The following ALG13 variants were observed in gnomAD, a reference collection of about 807,000 sequenced individuals.
ALG13 encodes the protein UDP-N-acetylglucosamine transferase subunit ALG13.
Under a neutral mutation model 87.8 loss-of-function variants are expected in ALG13, and 11 were observed. That is an observed-to-expected ratio of 0.13 (90% CI 0.08 to 0.21). The LOEUF is 0.21. Ranked by LOEUF, ALG13 falls within the 10% of genes least tolerant of loss-of-function variation. The pLI is 1.00. For synonymous variants in ALG13, 320 were observed against 306.3 expected, an observed-to-expected ratio of 1.04 and a Z score of -0.47; for missense variants, 756 against 866.1, an observed-to-expected ratio of 0.87 and a Z score of 1.60.
intron 1 of ALG13, chrX:111,681,791 G>A: frequency 1.2e-6 from 1 of 835,875 alleles, no homozygotes; most frequent in Non-Finnish European, 1.4e-6. Context: ...AGCGCGCGTC[G>A]TCCCCTCAGG....
chrX:111,694,601 C>A lies in ALG13; in HGVS notation c.383+9498C>A, dbSNP rs1394058672. On this transcript the variant is annotated intron_variant, in intron 3 of 26. Transcript: ENST00000394780. The stretch of plus-strand genomic sequence containing the variant: ...GTAAGGCAATACAATATGGTGTTTA[C>A]TCATGGTTAAGTGTGCTACTAAAGT... 3.2e-4 allele frequency among the ~76,000 whole-genome samples: 36 copies of A among 111,923 alleles called. No homozygotes were observed. The Admixed American group carries it at 3.4e-3, about 11-fold the overall frequency.
At chrX:111,695,714 T>A (rs1936887752) in intron 3 of ALG13, among the ~76,000 whole-genome samples, 1 of 111,748 alleles carries the variant, frequency 8.9e-6, no homozygotes, top group Non-Finnish European at 1.9e-5. Flanking sequence ...ATTACTTCTT[T>A]GGGAAATCCA....
At chrX:111,697,376 A>C (rs1937116728) in intron 3 of ALG13, among the ~76,000 whole-genome samples, 1 of 111,709 alleles carries the variant, frequency 9.0e-6, no homozygotes, top group Admixed American at 9.5e-5. Flanking sequence ...GTTCTAGAGC[A>C]GTGGTTTTCA....
chrX:111,725,047 A>G lies in ALG13; in HGVS notation c.1715A>G (p.Tyr572Cys). 3 of 1,210,559 alleles carry G rather than the reference A, an allele frequency of 2.5e-6. No individual in the cohort carries two copies. Among genetic ancestry groups the G allele is most frequent in the Middle Eastern group, 2.3e-4 (1 of 4,347 alleles). The part of the protein sequence containing the change: ...GRGYQKMPGG[Y>C]VPEIVISEMD... ...GGTTACCAGAAAATGCCTGGGGGTT[A>G]TGTCCCGGAAATAGGTTTGTATGCT... is the stretch of plus-strand genomic sequence containing the variant. The change falls in exon 15 of 27, where the codon TAT becomes TGT. Residue 572 changes from tyrosine to cysteine, a missense_variant. By Grantham distance (194) the Tyr-to-Cys change is radical. Transcript: ENST00000394780.
At position 111,708,108 on chromosome X, in the gene ALG13, T is replaced by C. The variant is rs763728143; in HGVS notation, c.465T>C (p.Thr155=). ...AAGATTCTGCAGCGCTGACTTCAAC[T>C]GCCTTTTCAGGCCTAGACTTTGGGC... ...KCQDSAALTS[T]AFSGLDFGLL... The change falls in exon 4 of 27, where the codon ACT becomes ACC. Residue 155 remains threonine (T), a synonymous_variant. Transcript: ENST00000394780. 1 of 1,211,745 alleles carries C rather than the reference T, an allele frequency of 8.3e-7. No homozygotes were observed. The highest frequency in any genetic ancestry group is 1.1e-6 in the Non-Finnish European group (1 of 895,412).
chrX:111,684,144 G>A (rs1934302378), intron 2 of ALG13, among the ~76,000 whole-genome samples: 1 of 111,549 alleles, frequency 9.0e-6, no homozygotes, highest in Non-Finnish European at 1.9e-5. Context: ...TTTAATAAAT[G>A]GCATGAGATA....
intron 2 of ALG13, among the ~76,000 whole-genome samples, chrX:111,682,737 G>C (rs183795898): frequency 8.9e-6 from 1 of 111,967 alleles, no homozygotes; most frequent in Non-Finnish European, 1.9e-5. Flanking sequence ...TAGTACTTGG[G>C]CTTAGATCTA....
At chrX:111,724,866 A>G (rs1178017171) in intron 14 of ALG13, 68 bp from the exon 15 acceptor site, 5 of 1,078,697 alleles carry the variant, frequency 4.6e-6, no homozygotes, top group Non-Finnish European at 5.1e-6. Flanking sequence ...AAGGGGTGGG[A>G]TACGTGTATT....
In ALG13 at chrX:111,685,179, C is replaced by T. The variant is rs767324838; in HGVS notation, c.383+76C>T. Reference sequence around the variant, plus strand: ...ACTTCCTCTTATCCACCTACCTAACCCATCTGTCTCTTCTGCCTCTTACCT... The same window carrying T: ...ACTTCCTCTTATCCACCTACCTAACTCATCTGTCTCTTCTGCCTCTTACCT... On this transcript the variant is annotated intron_variant, in intron 3 of 26. Transcript: ENST00000394780. The T allele has an allele frequency of 2.0e-4, 208 of 1,036,492 alleles. No homozygotes were observed. The African/African-American group carries it at 3.5e-3, about 18-fold the overall frequency. The allele number at this position is 1,036,492 out of a possible 1,213,427, so 85.4% of individuals were successfully genotyped here. A position where few individuals can be genotyped will look rare whatever the true frequency, so the allele number is the denominator to read the frequency against.
Position 111,730,436 on chromosome X carries a change from G to T in ALG13, c.2401+9G>T, listed in dbSNP as rs1036320277. On this transcript the variant is annotated intron_variant, in intron 20 of 26. Coordinates refer to ENST00000394780, the MANE Select transcript of ALG13 (RefSeq NM_001099922.3). Reference sequence around the variant, plus strand: ...ATATCTTTATCGTGCAGGTCAGTAAGATCTAGAAGTGATCTGGCATTCATC... The same window carrying T: ...ATATCTTTATCGTGCAGGTCAGTAATATCTAGAAGTGATCTGGCATTCATC... 1.2e-5 allele frequency: 15 copies of T among 1,203,825 alleles called. No homozygotes were observed. Among genetic ancestry groups the T allele is most frequent in the Non-Finnish European group, 1.7e-5 (15 of 890,077 alleles).
intron 2 of ALG13, among the ~76,000 whole-genome samples, chrX:111,683,146 C>T (rs1440980540): frequency 1.8e-5 from 2 of 109,919 alleles, no homozygotes; most frequent in Non-Finnish European, 3.8e-5. Flanking sequence ...TGTATATTAA[C>T]TTTACTTTTT....
chrX:111,711,073 A>G (rs2148028827), intron 5 of ALG13: 1 of 112,714 alleles, frequency 8.9e-6, no homozygotes, highest in South Asian at 3.6e-4. Context: ...ATATGTATCC[A>G]TGGAACTAGA....
chrX:111,691,257 C>T (rs757508584), intron 3 of ALG13, among the ~76,000 whole-genome samples: 1 of 110,246 alleles, frequency 9.1e-6, no homozygotes, highest in Non-Finnish European at 1.9e-5. Context: ...TGTGTCACCC[C>T]GTGGGGCTAA....
intron 24 of ALG13, among the ~76,000 whole-genome samples, chrX:111,749,249 A>AT (rs373903439): frequency 7.3e-5 from 8 of 109,796 alleles, no homozygotes; most frequent in African/African-American, 1.3e-4. Flanking sequence ...GGTGGAGGTG[A>AT]TTTTTTTTTC....
At chrX:111,708,808 T>G (rs1218848196) in intron 4 of ALG13, among the ~76,000 whole-genome samples, 157 bp from the exon 5 acceptor site, 1 of 112,136 alleles carries the variant, frequency 8.9e-6, no homozygotes, top group Non-Finnish European at 1.9e-5. Flanking sequence ...TCGTTGAAGA[T>G]GATATTAAAA....
intron 23 of ALG13, chrX:111,743,715 A>G (rs1943962180): frequency 8.9e-6 from 1 of 111,775 alleles, no homozygotes; most frequent in Admixed American, 9.6e-5. Context: ...AATTGTTCCT[A>G]TGCTCCTATG....
chrX:111,687,941 T>C, intron 3 of ALG13: 1 of 1,180,058 alleles, frequency 8.5e-7, no homozygotes, highest in South Asian at 2.0e-5. Context: ...AATGTTATCC[T>C]CCTGGCCAGC....
chrX:111,701,923 A>G (rs1937949077), intron 3 of ALG13, among the ~76,000 whole-genome samples: 2 of 111,446 alleles, frequency 1.8e-5, no homozygotes, highest in Non-Finnish European at 3.8e-5. Context: ...ATTCTGTGAC[A>G]CATTGACTTG....
At chrX:111,745,268 T>C (rs900106215) in intron 24 of ALG13, among the ~76,000 whole-genome samples, 1 of 111,581 alleles carries the variant, frequency 9.0e-6, no homozygotes, top group Non-Finnish European at 1.9e-5. Context: ...TTAAATTCTT[T>C]CCATAAGTGC....
Sources: allele counts gnomAD v4.1 joint callset (sites outside exome capture counted in the v4.1 genomes callset), GRCh38; gene constraint gnomAD v4.1.1; transcripts MANE v1.5; gene names NCBI Gene and HGNC (gene_info 2026-07-23, HGNC 2026-07-21).